The following UBE2Q2 variants were observed in gnomAD, a reference collection of about 807,000 sequenced individuals.
UBE2Q2 encodes the protein ubiquitin conjugating enzyme E2 Q2, also known as ubiquitin-conjugating enzyme E2 Q2.
UBE2Q2 carries 54 observed loss-of-function variants against 59.9 expected under a neutral mutation model. The ratio of observed to expected loss-of-function variants is 0.90; its 90% CI spans 0.72 to 1.13. UBE2Q2 has a LOEUF of 1.13. Among genes scored for constraint, UBE2Q2 ranks in the 50% most tolerant of loss-of-function variants. The pLI is 0.00. For missense variants in UBE2Q2, 433 were observed against 441.9 expected (o/e 0.98, Z 0.18); for synonymous variants, 165 against 155.2 (o/e 1.06, Z -0.47).
chr15:75,878,122 CT>C, intron 7 of UBE2Q2, 101 bp downstream of exon 7: 1 of 952,866 alleles, frequency 1.0e-6, no homozygotes, highest in Non-Finnish European at 1.6e-6. Context: ...ATGGCTTTTA[CT>C]TAGAACTTTA....
chr15:75,844,629 TCA>T, intron 1 of UBE2Q2: 3 of 885,128 alleles, frequency 3.4e-6, no homozygotes, highest in Non-Finnish European at 5.0e-6. Context: ...AAAAACTCAC[TCA>T]TTAAGCGGAA....
Position 75,843,485 on chromosome 15 carries a change from C to T in UBE2Q2, c.-182C>T, listed in dbSNP as rs1896123464. 1 of 287,600 alleles carries T rather than the reference C, an allele frequency of 3.5e-6. No homozygotes were observed. Among genetic ancestry groups the T allele is most frequent in the South Asian group, 1.5e-4 (1 of 6,530 alleles). The allele number at this position is 287,600 out of a possible 1,614,324, so 17.8% of individuals were successfully genotyped here. A position where few individuals can be genotyped will look rare whatever the true frequency, so the allele number is the denominator to read the frequency against. ...ACAAAGGAAGCGCCACCCAGGCCGC[C>T]ACACGCCGAGGCTTCCGCGCCCCTC... On this transcript the variant is annotated 5_prime_UTR_variant, in exon 1 of 13. Transcript: ENST00000267938.
intron 1 of UBE2Q2, among the ~76,000 whole-genome samples, chr15:75,848,816 G>A (rs1317243532): frequency 6.6e-6 from 1 of 152,114 alleles, no homozygotes. Context: ...TAAAGCAGGG[G>A]TCCCTTTTTC....
At chr15:75,867,069 C>G (rs1897529680) in intron 3 of UBE2Q2, among the ~76,000 whole-genome samples, 2 of 152,168 alleles carry the variant, frequency 1.3e-5, no homozygotes, top group African/African-American at 4.8e-5. Context: ...TCACTCTTTT[C>G]TACTGTGGCC....
intron 1 of UBE2Q2, among the ~76,000 whole-genome samples, chr15:75,852,262 C>T (rs898240717): frequency 1.3e-5 from 2 of 152,170 alleles, no homozygotes; most frequent in Admixed American, 6.5e-5. Context: ...AATACCATGA[C>T]TACTAGTAGT....
chr15:75,864,700 TTTC>T (rs1377326170), intron 3 of UBE2Q2, among the ~76,000 whole-genome samples: 1 of 152,158 alleles, frequency 6.6e-6, no homozygotes, highest in Non-Finnish European at 1.5e-5. Context: ...CTTCAAAAGT[TTTC>T]TTTATCTTGA....
chr15:75,872,533 C>CTTTTTTT (rs374099581), intron 4 of UBE2Q2, among the ~76,000 whole-genome samples: 2 of 114,794 alleles, frequency 1.7e-5, no homozygotes, highest in Admixed American at 9.0e-5. Flanking sequence ...TTTTCTTTTC[C>CTTTTTTT]TTTTTTTTTT....
At chr15:75,861,306 T>C (rs927849716) in intron 3 of UBE2Q2, among the ~76,000 whole-genome samples, 1 of 152,250 alleles carries the variant, frequency 6.6e-6, no homozygotes, top group Non-Finnish European at 1.5e-5. Context: ...TCTATGCTGT[T>C]GTCTTCTAAC....
intron 11 of UBE2Q2, among the ~76,000 whole-genome samples, chr15:75,893,185 G>C (rs373320091): frequency 6.6e-6 from 1 of 152,132 alleles, no homozygotes; most frequent in East Asian, 1.9e-4. Context: ...TTACCAGTTA[G>C]ATTGAATTAA....
chr15:75,858,812 C>G (rs916470662), intron 2 of UBE2Q2, among the ~76,000 whole-genome samples: 1 of 152,212 alleles, frequency 6.6e-6, no homozygotes, highest in Admixed American at 6.5e-5. Context: ...CAAATCCACA[C>G]TGGAGCTTGG....
intron 9 of UBE2Q2, among the ~76,000 whole-genome samples, chr15:75,886,210 C>T (rs1158562948): frequency 6.6e-6 from 1 of 152,038 alleles, no homozygotes; most frequent in Non-Finnish European, 1.5e-5. Flanking sequence ...ACCTATGCCT[C>T]CCGGGTTCAA....
intron 11 of UBE2Q2, among the ~76,000 whole-genome samples, chr15:75,893,108 A>C (rs1022106607): frequency 1.3e-4 from 20 of 152,336 alleles, no homozygotes; most frequent in African/African-American, 4.8e-4. Flanking sequence ...TGAGAGAAAT[A>C]GAAGTTGTAA....
At chr15:75,897,095 TAAG>T (rs1178860471) in intron 12 of UBE2Q2, 34 bp downstream of exon 12, 14 of 1,365,500 alleles carry the variant, frequency 1.0e-5, no homozygotes, top group East Asian at 2.5e-5. Flanking sequence ...TATTGCCATT[TAAG>T]AAGTTTTAGA....
intron 3 of UBE2Q2, among the ~76,000 whole-genome samples, chr15:75,866,355 T>TTTTTTAAAAGAGTA (rs1897479980): frequency 6.6e-6 from 1 of 151,982 alleles, no homozygotes; most frequent in African/African-American, 2.4e-5. Flanking sequence ...TTTTAAAATT[T>TTTTTTAAAAGAGTA]TTTTGTAGAG....
chr15:75,856,261 GTGTGTGTGTA>G (rs1222576119), intron 2 of UBE2Q2, among the ~76,000 whole-genome samples: 3 of 103,354 alleles, frequency 2.9e-5, no homozygotes, highest in Admixed American at 1.0e-4. Context: ...GTGTGTGTGT[GTGTGTGTGTA>G]TATATATATA....
chr15:75,895,559 AT>A (rs1205837037), intron 11 of UBE2Q2, among the ~76,000 whole-genome samples: 5 of 152,254 alleles, frequency 3.3e-5, no homozygotes, highest in Admixed American at 3.3e-4. Context: ...CCTTACATAA[AT>A]TTAACATGTT....
intron 2 of UBE2Q2, among the ~76,000 whole-genome samples, chr15:75,856,269 G>GTATATATA (rs60490503): frequency 3.2e-4 from 44 of 139,284 alleles, no homozygotes; most frequent in African/African-American, 7.4e-4. Context: ...GTGTGTGTGT[G>GTATATATA]TATATATATA....
chr15:75,854,867 A>G (rs1896820101), intron 2 of UBE2Q2, among the ~76,000 whole-genome samples: 1 of 152,194 alleles, frequency 6.6e-6, no homozygotes, highest in Non-Finnish European at 1.5e-5. Context: ...TTTTCTTTCA[A>G]GGGTCTGTAA....
At chr15:75,877,837 AGTT>A (rs1275434203) in intron 6 of UBE2Q2, 121 bp from the exon 7 acceptor site, 20 of 675,280 alleles carry the variant, frequency 3.0e-5, no homozygotes, top group East Asian at 8.7e-5. Context: ...TATATAGCTT[AGTT>A]GTTCCATGTT....
Sources: gnomAD v4.1 joint callset for allele counts (sites outside exome capture counted in the v4.1 genomes callset) on GRCh38, gnomAD v4.1.1 for gene constraint, MANE v1.5 for transcripts, NCBI Gene and HGNC (gene_info 2026-07-23, HGNC 2026-07-21) for gene names.